The following MYRIP variants were observed in gnomAD, a reference collection of about 807,000 sequenced individuals.
MYRIP encodes rab effector MyRIP.
In MYRIP, 49 loss-of-function variants were observed where a neutral mutation model predicts 98.0. The observed-to-expected ratio is 0.50, with a 90% confidence interval of 0.40 to 0.63. The LOEUF is 0.63. Ranked by LOEUF, MYRIP falls within the 30% of genes least tolerant of loss-of-function variation. MYRIP has a pLI of 0.00. For synonymous variants in MYRIP, 404 were observed against 409.5 expected (o/e 0.99, Z 0.16); for missense variants, 1,004 against 1,058.2 (o/e 0.95, Z 0.71).
intron 13 of MYRIP, among the ~76,000 whole-genome samples, chr3:40,246,717 G>A (rs1224636413): frequency 1.3e-5 from 2 of 152,108 alleles, no homozygotes; most frequent in Non-Finnish European, 2.9e-5. Context: ...ATAGTGAATT[G>A]GGGGTCCCGA....
intron 3 of MYRIP, among the ~76,000 whole-genome samples, chr3:40,121,462 CTCT>C (rs1294335749): frequency 1.3e-5 from 2 of 151,318 alleles, no homozygotes; most frequent in East Asian, 3.9e-4. Flanking sequence ...TTTTTTTTCA[CTCT>C]TCTTCTTCTG....
Position 40,246,485 on chromosome 3 carries a change from T to C in MYRIP, c.2262+1878T>C, listed in dbSNP as rs547228024. ...ACAGAAGAGAGGAAGCAGTCAAATA[T>C]GCATTTATTTTCAGGTGGGTGAGGG... On this transcript the variant is annotated intron_variant, in intron 13 of 16. Coordinates refer to ENST00000302541, the MANE Select transcript of MYRIP (RefSeq NM_015460.4). Among the ~76,000 whole-genome samples the C allele has an allele frequency of 2.0e-4, 30 of 152,358 alleles. 1 individual carries two copies. The South Asian group carries it at 5.4e-3, about 27-fold the overall frequency.
chr3:39,994,444 G>A (rs2125775568), intron 2 of MYRIP, among the ~76,000 whole-genome samples: 1 of 152,370 alleles, frequency 6.6e-6, no homozygotes, highest in African/African-American at 2.4e-5. Context: ...CTCATTGCTA[G>A]CACAGCAGTC....
intron 1 of MYRIP, among the ~76,000 whole-genome samples, chr3:39,878,038 C>A (rs1009168492): frequency 1.3e-5 from 2 of 152,256 alleles, no homozygotes; most frequent in African/African-American, 2.4e-5. Flanking sequence ...CCTAAGCAAG[C>A]CTGGGCAATG....
chr3:39,955,285 A>C (rs1049690115), intron 2 of MYRIP, among the ~76,000 whole-genome samples: 1 of 152,086 alleles, frequency 6.6e-6, no homozygotes, highest in Non-Finnish European at 1.5e-5. Context: ...GAGAAAGGTC[A>C]GGTTACCCAC....
chr3:39,841,961 G>C (rs1202679569), intron 1 of MYRIP, among the ~76,000 whole-genome samples: 1 of 152,184 alleles, frequency 6.6e-6, no homozygotes, highest in African/African-American at 2.4e-5. Flanking sequence ...GAGGCAGTCT[G>C]TCCCTTAGCA....
At chr3:39,951,629 T>C (rs1945018939) in intron 2 of MYRIP, among the ~76,000 whole-genome samples, 1 of 152,186 alleles carries the variant, frequency 6.6e-6, no homozygotes, top group African/African-American at 2.4e-5. Flanking sequence ...ATATGTAATT[T>C]TCACATTATG....
At chr3:40,059,573 A>C (rs975980045) in intron 3 of MYRIP, among the ~76,000 whole-genome samples, 2 of 152,060 alleles carry the variant, frequency 1.3e-5, no homozygotes, top group African/African-American at 4.8e-5. Flanking sequence ...TGGCCGTATA[A>C]ATGTCTTTCT....
intron 3 of MYRIP, among the ~76,000 whole-genome samples, chr3:40,062,699 T>C (rs554212601): frequency 6.6e-6 from 1 of 152,286 alleles, no homozygotes; most frequent in East Asian, 1.9e-4. Context: ...AAAAATATAC[T>C]TGCCAGGCAC....
At chr3:39,997,493 G>T (rs1946394135) in intron 2 of MYRIP, among the ~76,000 whole-genome samples, 1 of 152,140 alleles carries the variant, frequency 6.6e-6, no homozygotes, top group Admixed American at 6.5e-5. Flanking sequence ...GGAAGAAGTT[G>T]AATCTCTGAA....
chr3:40,027,741 A>G (rs1298950668), intron 2 of MYRIP, among the ~76,000 whole-genome samples: 6 of 152,024 alleles, frequency 3.9e-5, no homozygotes, highest in African/African-American at 9.7e-5. Flanking sequence ...AATCCTTAGC[A>G]CCTGTAATAA....
intron 1 of MYRIP, among the ~76,000 whole-genome samples, chr3:39,853,815 A>G (rs115199146): frequency 6.6e-5 from 10 of 152,238 alleles, no homozygotes; most frequent in Non-Finnish European, 1.3e-4. Flanking sequence ...GTTCTCGGTC[A>G]TGATCTCTTT....
chr3:39,867,179 A>G (rs1053273235), intron 1 of MYRIP, among the ~76,000 whole-genome samples: 7 of 152,208 alleles, frequency 4.6e-5, no homozygotes, highest in African/African-American at 1.7e-4. Context: ...AAATTAACTC[A>G]AGGTGGATTA....
At chr3:40,249,839 A>T (rs1953318576) in intron 13 of MYRIP, among the ~76,000 whole-genome samples, 2 of 152,212 alleles carry the variant, frequency 1.3e-5, no homozygotes, top group Non-Finnish European at 2.9e-5. Flanking sequence ...AGAAGAAAGC[A>T]GGACATATAA....
intron 1 of MYRIP, among the ~76,000 whole-genome samples, chr3:39,890,103 C>T (rs145771218): frequency 0.016 from 2,405 of 152,020 alleles, 26 homozygotes; most frequent in Middle Eastern, 0.041. Flanking sequence ...CTCTCCATTT[C>T]CTTCTTGAAA....
At chr3:40,155,331 T>G (rs2125580258) in intron 4 of MYRIP, among the ~76,000 whole-genome samples, 1 of 151,542 alleles carries the variant, frequency 6.6e-6, no homozygotes. Flanking sequence ...TCATCATTTT[T>G]TATGGCTGCA....
intron 3 of MYRIP, among the ~76,000 whole-genome samples, chr3:40,136,581 AT>A (rs1372935773): frequency 1.3e-5 from 2 of 151,824 alleles, no homozygotes; most frequent in African/African-American, 4.8e-5. Context: ...CAGAATATAC[AT>A]TGTTTTCAGC....
chr3:40,078,921 C>G (rs968547795), intron 3 of MYRIP, among the ~76,000 whole-genome samples: 1 of 152,178 alleles, frequency 6.6e-6, no homozygotes, highest in African/African-American at 2.4e-5. Context: ...GGAATATGCT[C>G]AGAGACCACA....
rs868105469 is a variant in MYRIP at position 40,218,648 on chromosome 3, A to G, written c.1905+8555A>G. 7.4e-4 allele frequency among the ~76,000 whole-genome samples: 104 copies of G among 139,892 alleles called. 1 individual carries two copies. The Middle Eastern group carries it at 0.011, about 15-fold the overall frequency. The allele number at this position is 139,892 out of a possible 152,430, so 91.8% of individuals were successfully genotyped here. A position where few individuals can be genotyped will look rare whatever the true frequency, so the allele number is the denominator to read the frequency against. On this transcript the variant is annotated intron_variant, in intron 11 of 16. Transcript: ENST00000302541. ...TATATATATATATATATATATATAT[A>G]TATATATACATACACACACATACAT...
Sources: gnomAD v4.1 joint callset for allele counts (sites outside exome capture counted in the v4.1 genomes callset) on GRCh38, gnomAD v4.1.1 for gene constraint, MANE v1.5 for transcripts, NCBI Gene and HGNC (gene_info 2026-07-23, HGNC 2026-07-21) for gene names.